SMC6: variants seen among roughly 807,000 people sequenced by gnomAD.
SMC6 encodes the protein structural maintenance of chromosomes 6, also known as structural maintenance of chromosomes protein 6.
A neutral mutation model predicts 142.2 loss-of-function variants in SMC6; 79 were observed. The ratio of observed to expected loss-of-function variants is 0.56; its 90% CI spans 0.46 to 0.67. The LOEUF is 0.67. SMC6 is among the 30% of genes least tolerant of loss of function. The probability of loss-of-function intolerance (pLI) is 0.00; values close to 1 mark genes in which losing one functional copy is unlikely to be tolerated. For synonymous variants in SMC6, 411 were observed against 412.4 expected, an observed-to-expected ratio of 1.00 and a Z score of 0.04; for missense variants, 1,072 against 1,284.0, an observed-to-expected ratio of 0.83 and a Z score of 2.52.
chr2:17,732,180 T>C (rs1396271601), intron 5 of SMC6, among the ~76,000 whole-genome samples: 1 of 152,164 alleles, frequency 6.6e-6, no homozygotes, highest in African/African-American at 2.4e-5. Context: ...TTTCAAGACA[T>C]GTAGATAAGT....
At chr2:17,746,024 A>G in intron 2 of SMC6, 73 bp from the exon 3 acceptor site, 3 of 1,344,750 alleles carry the variant, frequency 2.2e-6, no homozygotes, top group Non-Finnish European at 2.9e-6. Flanking sequence ...AATAAATCTA[A>G]CAAGGCTAAT....
chr2:17,745,792 T>C (rs56343181), intron 3 of SMC6, 35 bp downstream of exon 3: 33,972 of 1,560,372 alleles, frequency 0.022, 461 homozygotes, highest in Non-Finnish European at 0.026. Flanking sequence ...AAGAAAAACA[T>C]ATCAAAAAGC....
At chr2:17,669,249 G>T (rs927608594) in intron 26 of SMC6, among the ~76,000 whole-genome samples, 1 of 152,172 alleles carries the variant, frequency 6.6e-6, no homozygotes, top group African/African-American at 2.4e-5. Flanking sequence ...TGAGATGAAG[G>T]CACTTTCAAC....
chr2:17,726,087 TA>T lies in SMC6; in HGVS notation c.624+301del, dbSNP rs35471536. On this transcript the variant is annotated intron_variant, in intron 8 of 27. Coordinates refer to ENST00000448223, the MANE Select transcript of SMC6 (RefSeq NM_001142286.2). Reference sequence around the variant, plus strand: ...TGGAAGACAGAGCAAGGCTCTGTCTTAAAAAAAAAAAAAAAAAAAAAAAAAA... The same window carrying T: ...TGGAAGACAGAGCAAGGCTCTGTCTTAAAAAAAAAAAAAAAAAAAAAAAAA... Among the ~76,000 whole-genome samples, 532 of 54,910 alleles carry T rather than the reference TA, an allele frequency of 9.7e-3. 3 individuals carry two copies. Among genetic ancestry groups the T allele is most frequent in the African/African-American group, 0.035 (385 of 10,994 alleles). 36.0% of individuals were successfully genotyped at this position (54,910 alleles called of 152,430 possible). A position where few individuals can be genotyped will look rare whatever the true frequency, so the allele number is the denominator to read the frequency against.
chr2:17,729,996 T>C (rs1042473950), intron 7 of SMC6, among the ~76,000 whole-genome samples: 2 of 152,224 alleles, frequency 1.3e-5, no homozygotes, highest in African/African-American at 4.8e-5. Flanking sequence ...TTCTTTTTAT[T>C]TGATGGCAAG....
intron 15 of SMC6, among the ~76,000 whole-genome samples, chr2:17,715,330 T>C (rs1669030094): frequency 6.6e-6 from 1 of 151,982 alleles, no homozygotes; most frequent in African/African-American, 2.4e-5. Flanking sequence ...GTGAAAAAAA[T>C]TGTCCCACTC....
intron 4 of SMC6, chr2:17,740,812 T>C: frequency 2.7e-6 from 1 of 364,356 alleles, no homozygotes; most frequent in South Asian, 1.9e-5. Flanking sequence ...ATCGCACCAC[T>C]GCACTCCAAC....
At chr2:17,699,889 GCA>G (rs1668186597) in intron 21 of SMC6, among the ~76,000 whole-genome samples, 1 of 151,800 alleles carries the variant, frequency 6.6e-6, no homozygotes, top group South Asian at 2.1e-4. Context: ...CAACAAGCAA[GCA>G]CAGAGACATT....
At chr2:17,704,971 T>A (rs1558348251) in intron 18 of SMC6, among the ~76,000 whole-genome samples, 1 of 151,202 alleles carries the variant, frequency 6.6e-6, no homozygotes, top group Admixed American at 6.6e-5. Flanking sequence ...AAAAAAAAAA[T>A]TGCAGCTGGG....
At chr2:17,748,694 A>G (rs549184615) in intron 2 of SMC6, among the ~76,000 whole-genome samples, 4 of 152,308 alleles carry the variant, frequency 2.6e-5, no homozygotes, top group South Asian at 4.1e-4. Context: ...TTCCCTTCTC[A>G]GTTACTGAGC....
intron 13 of SMC6, 75 bp downstream of exon 13, chr2:17,717,013 A>G (rs1046494065): frequency 1.4e-5 from 21 of 1,527,210 alleles, no homozygotes; most frequent in Non-Finnish European, 1.7e-5. Flanking sequence ...TACATAAAAT[A>G]TAATACTCCA....
intron 12 of SMC6, 82 bp downstream of exon 12, chr2:17,717,995 A>G (rs1669182521): frequency 2.2e-6 from 3 of 1,385,128 alleles, no homozygotes; most frequent in Non-Finnish European, 2.9e-6. Context: ...AAAAAAATAA[A>G]ATATAATAAA....
At chr2:17,741,976 T>C (rs889492108) in intron 3 of SMC6, among the ~76,000 whole-genome samples, 3 of 152,210 alleles carry the variant, frequency 2.0e-5, no homozygotes, top group Admixed American at 2.0e-4. Flanking sequence ...AATGACACTT[T>C]GGGTCTGATA....
At chr2:17,745,531 A>C (rs2125084234) in intron 3 of SMC6, among the ~76,000 whole-genome samples, 1 of 152,240 alleles carries the variant, frequency 6.6e-6, no homozygotes, top group South Asian at 2.1e-4. Context: ...GGGTCTGTGG[A>C]TAGCCCTTAT....
chr2:17,745,998 A>G (rs1284869126), intron 2 of SMC6, 47 bp from the exon 3 acceptor site: 1 of 1,476,542 alleles, frequency 6.8e-7, no homozygotes, highest in Non-Finnish European at 9.0e-7. Flanking sequence ...AGTTCCATAT[A>G]TATTAAACTC....
chr2:17,686,347 T>C (rs943066313), intron 23 of SMC6, among the ~76,000 whole-genome samples: 2 of 152,088 alleles, frequency 1.3e-5, no homozygotes, highest in African/African-American at 4.8e-5. Context: ...CTGGGCATGG[T>C]GGCAGGTGCT....
intron 18 of SMC6, among the ~76,000 whole-genome samples, chr2:17,706,031 C>G (rs1395950425): frequency 2.0e-5 from 3 of 152,110 alleles, no homozygotes; most frequent in Non-Finnish European, 4.4e-5. Context: ...AATTTAAGAT[C>G]CAGTAGAGAA....
intron 5 of SMC6, 135 bp downstream of exon 5, chr2:17,738,086 T>C: frequency 3.2e-6 from 2 of 615,620 alleles, no homozygotes; most frequent in Non-Finnish European, 5.6e-6. Context: ...AAGAAAGGAA[T>C]GAAAAAATAG....
In SMC6 at chr2:17,717,224, T is replaced by A. The variant is rs1289682897; in HGVS notation, c.1093-48A>T. 36 of 1,378,298 alleles carry A rather than the reference T, an allele frequency of 2.6e-5. No homozygotes were observed. The Admixed American group carries it at 3.6e-4, about 14-fold the overall frequency. 85.4% of individuals were successfully genotyped at this position (1,378,298 alleles called of 1,614,324 possible). A position where few individuals can be genotyped will look rare whatever the true frequency, so the allele number is the denominator to read the frequency against. On this transcript the variant is annotated intron_variant, in intron 12 of 27. Coordinates refer to ENST00000448223, the MANE Select transcript of SMC6 (RefSeq NM_001142286.2). ...CTTTACAAAAATGAAAACACAAATA[T>A]CCCATTCACGTCCACTTTTGTCAAA...
Sources: gnomAD v4.1 joint callset for allele counts (sites outside exome capture counted in the v4.1 genomes callset) on GRCh38, gnomAD v4.1.1 for gene constraint, MANE v1.5 for transcripts, NCBI Gene and HGNC (gene_info 2026-07-23, HGNC 2026-07-21) for gene names.